C12orf42: variants seen among roughly 807,000 people sequenced by gnomAD.
C12orf42 encodes the protein chromosome 12 open reading frame 42, also known as uncharacterized protein C12orf42.
A neutral mutation model predicts 21.6 loss-of-function variants in C12orf42; 25 were observed. The ratio of observed to expected loss-of-function variants is 1.16; its 90% confidence interval spans 0.84 to 1.62. The LOEUF (loss-of-function observed/expected upper bound fraction) is 1.62. Among genes scored for constraint, C12orf42 ranks in the 40% most tolerant of loss-of-function variants. The pLI, the probability that C12orf42 is intolerant of heterozygous loss-of-function variation, is 0.00. For synonymous variants in C12orf42, 174 were observed against 175.0 expected, an observed-to-expected ratio of 0.99 and a Z score of 0.05; for missense variants, 483 against 459.3, an observed-to-expected ratio of 1.05 and a Z score of -0.47.
intron 4 of C12orf42, among the ~76,000 whole-genome samples, chr12:103,294,363 AAAAG>A (rs201234497): frequency 0.031 from 4,688 of 149,012 alleles, 311 homozygotes; most frequent in African/African-American, 0.11. Context: ...GCAGAAAAAA[AAAAG>A]AAAGAGAAAG....
At chr12:103,405,938 G>A (rs2048393560) in intron 2 of C12orf42, among the ~76,000 whole-genome samples, 1 of 151,980 alleles carries the variant, frequency 6.6e-6, no homozygotes, top group African/African-American at 2.4e-5. Flanking sequence ...AAATATTTAG[G>A]TTGTCTACTT....
At chr12:103,257,615 A>G (rs2034677840) in intron 10 of C12orf42, among the ~76,000 whole-genome samples, 1 of 107,494 alleles carries the variant, frequency 9.3e-6, no homozygotes, top group Non-Finnish European at 1.7e-5. Flanking sequence ...ACTAGGATAC[A>G]GTGTGGAAAA....
chr12:103,319,662 A>G (rs147836036), intron 4 of C12orf42, among the ~76,000 whole-genome samples: 9 of 152,396 alleles, frequency 5.9e-5, no homozygotes, highest in African/African-American at 9.6e-5. Context: ...AGATTTCAAT[A>G]GTTCAAAGAT....
At chr12:103,453,587 C>T (rs996995140) in intron 2 of C12orf42, among the ~76,000 whole-genome samples, 7 of 151,990 alleles carry the variant, frequency 4.6e-5, no homozygotes, top group African/African-American at 1.4e-4. Flanking sequence ...ATCTTTATCT[C>T]TCCCTAATAA....
intron 2 of C12orf42, among the ~76,000 whole-genome samples, chr12:103,474,562 C>T (rs749961572): frequency 6.6e-6 from 1 of 151,676 alleles, no homozygotes; most frequent in Non-Finnish European, 1.5e-5. Flanking sequence ...TAAAAGTAAA[C>T]CTTTTTCTAA....
At chr12:103,468,530 T>C (rs960404390) in intron 2 of C12orf42, among the ~76,000 whole-genome samples, 33 of 152,340 alleles carry the variant, frequency 2.2e-4, no homozygotes, top group South Asian at 2.1e-4. Context: ...AATCAGACTT[T>C]TAAAGTTAAA....
intron 4 of C12orf42, among the ~76,000 whole-genome samples, chr12:103,290,780 C>T (rs1459273479): frequency 6.6e-6 from 1 of 151,896 alleles, no homozygotes; most frequent in Admixed American, 6.6e-5. Flanking sequence ...TCCATGCACG[C>T]TATACATTTT....
chr12:103,057,180 C>CTT, the C12orf42 span, among the ~76,000 whole-genome samples: 4 of 138,576 alleles, frequency 2.9e-5, no homozygotes, highest in Non-Finnish European at 3.2e-5. Flanking sequence ...AACAGCACAT[C>CTT]TTTTTTTTTT....
chr12:103,388,745 C>T (rs1038429296), intron 3 of C12orf42, among the ~76,000 whole-genome samples: 6 of 152,220 alleles, frequency 3.9e-5, no homozygotes, highest in Non-Finnish European at 8.8e-5. Context: ...TGTATTCTCT[C>T]TGGCCCAGAG....
chr12:103,533,539 C>A, the C12orf42 span, among the ~76,000 whole-genome samples: 1 of 152,162 alleles, frequency 6.6e-6, no homozygotes, highest in Non-Finnish European at 1.5e-5. Flanking sequence ...TCTGGGGAAC[C>A]AAAGCTCACA....
At chr12:103,314,342 A>C (rs1197227398) in intron 4 of C12orf42, among the ~76,000 whole-genome samples, 1 of 152,144 alleles carries the variant, frequency 6.6e-6, no homozygotes, top group Non-Finnish European at 1.5e-5. Flanking sequence ...TTGCCCAGTG[A>C]AAGGTGATGG....
chr12:103,549,306 T>C, the C12orf42 span, among the ~76,000 whole-genome samples: 1 of 152,214 alleles, frequency 6.6e-6, no homozygotes, highest in African/African-American at 2.4e-5. Flanking sequence ...AGAAGTTTTA[T>C]TTAAAAATGT....
chr12:103,372,998 C>G (rs539263822), intron 3 of C12orf42, among the ~76,000 whole-genome samples: 31 of 152,224 alleles, frequency 2.0e-4, no homozygotes, highest in South Asian at 6.2e-4. Context: ...TATCATGGAC[C>G]AGATGCATTT....
At chr12:103,464,871 G>A (rs1014887620) in intron 2 of C12orf42, among the ~76,000 whole-genome samples, 1 of 152,142 alleles carries the variant, frequency 6.6e-6, no homozygotes, top group Non-Finnish European at 1.5e-5. Context: ...AGATCAGAAG[G>A]TTGTGGATGT....
chr12:103,525,951 C>T, the C12orf42 span, among the ~76,000 whole-genome samples: 1,289 of 152,182 alleles, frequency 8.5e-3, 19 homozygotes, highest in African/African-American at 0.029. Flanking sequence ...TGCTTGAAAC[C>T]GAAGGCGGAG....
the C12orf42 span, among the ~76,000 whole-genome samples, chr12:103,208,819 G>A: frequency 6.6e-6 from 1 of 152,166 alleles, no homozygotes; most frequent in African/African-American, 2.4e-5. Flanking sequence ...CAGGTGCAAT[G>A]CTAAATTCTG....
the C12orf42 span, among the ~76,000 whole-genome samples, chr12:103,053,925 G>A: frequency 2.0e-5 from 3 of 151,636 alleles, no homozygotes; most frequent in Non-Finnish European, 4.4e-5. Context: ...TCTATTTATT[G>A]TTTTCAAAAT....
the C12orf42 span, among the ~76,000 whole-genome samples, chr12:103,155,550 T>C: frequency 6.6e-6 from 1 of 152,088 alleles, no homozygotes; most frequent in Non-Finnish European, 1.5e-5. Context: ...GAAGCCTCTC[T>C]CTCTCCCAGA....
At chr12:103,261,514 C>G (rs1187157120) in intron 10 of C12orf42, among the ~76,000 whole-genome samples, 1 of 148,922 alleles carries the variant, frequency 6.7e-6, no homozygotes, top group Non-Finnish European at 1.5e-5. Context: ...GTTCTTGTTG[C>G]AAAAATACTT....
Sources: allele counts gnomAD v4.1 joint callset (sites outside exome capture counted in the v4.1 genomes callset), GRCh38; gene constraint gnomAD v4.1.1; transcripts MANE v1.5; gene names NCBI Gene and HGNC (gene_info 2026-07-23, HGNC 2026-07-21).